RERE: variants seen among roughly 807,000 people sequenced by gnomAD.
RERE encodes the protein arginine-glutamic acid dipeptide repeats, also known as arginine-glutamic acid dipeptide repeats protein.
RERE carries 40 observed loss-of-function variants against 146.1 expected under a neutral mutation model. That is an observed-to-expected ratio of 0.27 (90% CI 0.21 to 0.36). The LOEUF is 0.36. RERE is among the 10% of genes least tolerant of loss of function. RERE has a pLI of 1.00. For missense variants in RERE, 1,933 were observed against 2,138.7 expected, an observed-to-expected ratio of 0.90 and a Z score of 1.90; for synonymous variants, 1,003 against 866.0, an observed-to-expected ratio of 1.16 and a Z score of -2.78.
chr1:8,478,929 T>A (rs1026118812), intron 10 of RERE, among the ~76,000 whole-genome samples: 1 of 152,234 alleles, frequency 6.6e-6, no homozygotes. Context: ...ATGGTAGTTA[T>A]ACATGACAAT....
At chr1:8,762,681 C>CCT (rs1640777674) in intron 1 of RERE, among the ~76,000 whole-genome samples, 1 of 152,178 alleles carries the variant, frequency 6.6e-6, no homozygotes, top group African/African-American at 2.4e-5. Context: ...GGGGGACTTT[C>CCT]CTCTGATAAT....
At chr1:8,417,013 C>G (rs1171723514) in intron 12 of RERE, among the ~76,000 whole-genome samples, 1 of 152,178 alleles carries the variant, frequency 6.6e-6, no homozygotes, top group South Asian at 2.1e-4. Flanking sequence ...AAACAGAGAT[C>G]TTCTAATGTA....
chr1:8,429,450 G>C (rs770972146), intron 11 of RERE, among the ~76,000 whole-genome samples: 9 of 152,086 alleles, frequency 5.9e-5, no homozygotes, highest in African/African-American at 2.2e-4. Flanking sequence ...GGTAAGGTGT[G>C]CAAATTCCCC....
At chr1:8,528,106 A>G (rs1445144595) in intron 7 of RERE, among the ~76,000 whole-genome samples, 1 of 152,258 alleles carries the variant, frequency 6.6e-6, no homozygotes, top group Non-Finnish European at 1.5e-5. Flanking sequence ...GAAAGGGCAC[A>G]GTATCACTCA....
intron 4 of RERE, among the ~76,000 whole-genome samples, chr1:8,605,845 C>CTTTTTTTTTTTTTTTTTTTT (rs60346942): frequency 4.3e-5 from 4 of 93,220 alleles, no homozygotes; most frequent in African/African-American, 1.7e-4. Flanking sequence ...AAATACCAAA[C>CTTTTTTTTTTTTTTTTTTTT]TTTTTTTTTT....
intron 4 of RERE, among the ~76,000 whole-genome samples, chr1:8,574,818 C>T (rs554539431): frequency 6.6e-6 from 1 of 152,250 alleles, no homozygotes; most frequent in East Asian, 1.9e-4. Flanking sequence ...GGAGTGCACA[C>T]ATTTTATTTC....
At chr1:8,575,997 T>C (rs1281737912) in intron 4 of RERE, among the ~76,000 whole-genome samples, 2 of 152,118 alleles carry the variant, frequency 1.3e-5, no homozygotes, top group Non-Finnish European at 2.9e-5. Flanking sequence ...CCTATAATTC[T>C]GATTAGATCC....
intron 11 of RERE, among the ~76,000 whole-genome samples, chr1:8,442,281 A>C (rs912762575): frequency 6.6e-6 from 1 of 151,324 alleles, no homozygotes; most frequent in Non-Finnish European, 1.5e-5. Context: ...GCTACTCAGG[A>C]GGCTGAAGCA....
chr1:8,367,196 T>G (rs929972113), intron 12 of RERE, among the ~76,000 whole-genome samples: 1 of 152,112 alleles, frequency 6.6e-6, no homozygotes, highest in Non-Finnish European at 1.5e-5. Context: ...AACAAAGACA[T>G]GTAGCTGCCA....
intron 12 of RERE, among the ~76,000 whole-genome samples, chr1:8,400,222 ATGTGTGTGTGTGTGTG>A (rs1553161719): frequency 2.9e-5 from 4 of 140,062 alleles, no homozygotes; most frequent in African/African-American, 1.1e-4. Flanking sequence ...CCTGTGTCAT[ATGTGTGTGTGTGTGTG>A]TGTGTGTGTG....
chr1:8,625,820 T>A (rs1478779601), intron 2 of RERE, among the ~76,000 whole-genome samples: 1 of 152,036 alleles, frequency 6.6e-6, no homozygotes, highest in Non-Finnish European at 1.5e-5. Flanking sequence ...CACAAATGAG[T>A]ACATTCCAAG....
intron 1 of RERE, among the ~76,000 whole-genome samples, chr1:8,789,282 CA>C (rs58993452): frequency 0.16 from 5,866 of 37,580 alleles, 476 homozygotes; most frequent in Middle Eastern, 0.19. Context: ...TCCTCTCTAC[CA>C]AAAAAAAAAA....
At chr1:8,783,071 T>C (rs1455646210) in intron 1 of RERE, among the ~76,000 whole-genome samples, 3 of 152,156 alleles carry the variant, frequency 2.0e-5, no homozygotes, top group African/African-American at 7.2e-5. Context: ...TGGTGGTTCA[T>C]GCCTATAATT....
chr1:8,730,724 T>C (rs769659443), intron 1 of RERE, among the ~76,000 whole-genome samples: 13 of 152,226 alleles, frequency 8.5e-5, no homozygotes, highest in Non-Finnish European at 1.6e-4. Context: ...CTGCACCATC[T>C]ACCTCCCAGG....
In RERE at chr1:8,508,113, T is replaced by C. The variant is rs546022413; in HGVS notation, c.879+514A>G. ...GAATAGATAAACAGTGATACGTACA[T>C]ACAATGGGTCATTTAGCCTTAAAAA... is the stretch of plus-strand genomic sequence containing the variant. On this transcript the variant is annotated intron_variant, in intron 8 of 22. Transcript: ENST00000400908. 5.4e-4 allele frequency among the ~76,000 whole-genome samples: 82 copies of C among 152,318 alleles called. 3 individuals carry two copies. The South Asian group carries it at 0.017, about 31-fold the overall frequency.
At chr1:8,650,437 T>C (rs1182600474) in intron 2 of RERE, among the ~76,000 whole-genome samples, 1 of 152,234 alleles carries the variant, frequency 6.6e-6, no homozygotes, top group Non-Finnish European at 1.5e-5. Context: ...TCTTAATTTG[T>C]GCTTTATATC....
intron 12 of RERE, among the ~76,000 whole-genome samples, chr1:8,402,070 T>C (rs1025684141): frequency 6.6e-5 from 10 of 152,164 alleles, no homozygotes; most frequent in Non-Finnish European, 1.5e-5. Context: ...GGTTTCACCA[T>C]GTTGGCCAGG....
intron 4 of RERE, among the ~76,000 whole-genome samples, chr1:8,604,227 G>A (rs751988116): frequency 7.2e-5 from 11 of 152,116 alleles, no homozygotes; most frequent in Non-Finnish European, 1.2e-4. Context: ...GATTCAAACC[G>A]ATACTATGAT....
chr1:8,546,915 C>T (rs1312908684), intron 6 of RERE, among the ~76,000 whole-genome samples: 1 of 148,842 alleles, frequency 6.7e-6, no homozygotes, highest in East Asian at 2.0e-4. Context: ...CAAAACTGTA[C>T]AAAATCTGTA....
Sources: allele counts gnomAD v4.1 joint callset (sites outside exome capture counted in the v4.1 genomes callset), GRCh38; gene constraint gnomAD v4.1.1; transcripts MANE v1.5; gene names NCBI Gene and HGNC (gene_info 2026-07-23, HGNC 2026-07-21).